The following FHIT variants were observed in gnomAD, a reference collection of about 807,000 sequenced individuals.
FHIT encodes bis(5'-adenosyl)-triphosphatase.
Under a neutral mutation model 17.9 loss-of-function variants are expected in FHIT, and 19 were observed. That is an observed-to-expected ratio of 1.06 (90% confidence interval 0.74 to 1.56). The LOEUF (loss-of-function observed/expected upper bound fraction) is 1.56. Among genes scored for constraint, FHIT ranks in the 40% most tolerant of loss-of-function variants. The probability of loss-of-function intolerance (pLI) is 0.00; values close to 1 mark genes in which losing one functional copy is unlikely to be tolerated. For missense variants in FHIT, 248 were observed against 189.2 expected, an observed-to-expected ratio of 1.31 and a Z score of -1.82; for synonymous variants, 81 against 69.7, an observed-to-expected ratio of 1.16 and a Z score of -0.81.
chr3:59,866,621 G>T (rs563799891), intron 8 of FHIT, among the ~76,000 whole-genome samples: 38 of 152,328 alleles, frequency 2.5e-4, no homozygotes, highest in African/African-American at 9.1e-4. Context: ...AAATTATCTG[G>T]ATCTGGGATA....
intron 3 of FHIT, among the ~76,000 whole-genome samples, chr3:60,998,395 GC>G (rs1335080672): frequency 6.6e-6 from 1 of 152,176 alleles, no homozygotes; most frequent in Non-Finnish European, 1.5e-5. Context: ...TAGGGTTAAA[GC>G]TTTTGAGGAC....
At chr3:60,317,606 T>C (rs528556178) in intron 5 of FHIT, among the ~76,000 whole-genome samples, 24 of 144,644 alleles carry the variant, frequency 1.7e-4, no homozygotes, top group African/African-American at 6.1e-4. Flanking sequence ...TCATATAATA[T>C]GTAATTATAT....
intron 5 of FHIT, among the ~76,000 whole-genome samples, chr3:60,287,892 C>G (rs773982586): frequency 6.0e-5 from 9 of 150,684 alleles, no homozygotes; most frequent in Non-Finnish European, 1.0e-4. Flanking sequence ...CCCTCTGTAT[C>G]AGTTATCTAT....
intron 5 of FHIT, among the ~76,000 whole-genome samples, chr3:60,226,609 A>C (rs1349166561): frequency 6.6e-6 from 1 of 152,108 alleles, no homozygotes; most frequent in Non-Finnish European, 1.5e-5. Flanking sequence ...AAAATGAAAA[A>C]CTGGGAACGT....
intron 5 of FHIT, among the ~76,000 whole-genome samples, chr3:60,176,728 T>C (rs213420): frequency 0.78 from 117,987 of 152,060 alleles, 46,213 homozygotes; most frequent in Non-Finnish European, 0.84. Context: ...AAGCTGAGTA[T>C]TGGCAAATGT....
At chr3:61,153,938 G>A (rs1404801021) in intron 2 of FHIT, among the ~76,000 whole-genome samples, 1 of 152,002 alleles carries the variant, frequency 6.6e-6, no homozygotes, top group African/African-American at 2.4e-5. Context: ...ATTTCTTAGG[G>A]GACAAGGGAA....
intron 3 of FHIT, among the ~76,000 whole-genome samples, chr3:60,944,150 T>C (rs1248542191): frequency 1.3e-5 from 2 of 152,194 alleles, no homozygotes; most frequent in Non-Finnish European, 2.9e-5. Context: ...GTTAAGAAAT[T>C]TGAACTTTAC....
chr3:60,023,390 G>A (rs1169506653), intron 5 of FHIT, among the ~76,000 whole-genome samples: 1 of 152,192 alleles, frequency 6.6e-6, no homozygotes, highest in Non-Finnish European at 1.5e-5. Flanking sequence ...AGTGCCCTGA[G>A]CACATACCTC....
At chr3:60,084,503 T>C (rs1157315396) in intron 5 of FHIT, among the ~76,000 whole-genome samples, 3 of 152,120 alleles carry the variant, frequency 2.0e-5, no homozygotes, top group Non-Finnish European at 4.4e-5. Context: ...AACATAATTA[T>C]ATAAGCTAAA....
At chr3:61,152,731 G>C (rs759056751) in intron 2 of FHIT, among the ~76,000 whole-genome samples, 5 of 152,092 alleles carry the variant, frequency 3.3e-5, no homozygotes, top group Non-Finnish European at 5.9e-5. Flanking sequence ...ACAGAGGAAT[G>C]AGAAGATCAT....
intron 4 of FHIT, among the ~76,000 whole-genome samples, chr3:60,551,531 C>T (rs113647143): frequency 0.25 from 2 of 8 alleles, 1 homozygote; most frequent in Non-Finnish European, 1. Flanking sequence ...AGAGGTGAGA[C>T]GGGAGGGGGG....
chr3:61,195,763 G>A (rs150511827), intron 2 of FHIT, among the ~76,000 whole-genome samples: 2 of 152,264 alleles, frequency 1.3e-5, no homozygotes, highest in African/African-American at 4.8e-5. Flanking sequence ...TACTAGCTAT[G>A]TGACCTTGGA....
intron 5 of FHIT, among the ~76,000 whole-genome samples, chr3:60,280,230 A>G (rs1225128692): frequency 6.6e-6 from 1 of 152,126 alleles, no homozygotes; most frequent in East Asian, 1.9e-4. Flanking sequence ...TCAACTCGAT[A>G]CCAAAAAATC....
At chr3:60,530,522 G>T (rs952356966) in intron 5 of FHIT, among the ~76,000 whole-genome samples, 3 of 152,100 alleles carry the variant, frequency 2.0e-5, no homozygotes, top group Non-Finnish European at 4.4e-5. Context: ...CTCGGCTCCA[G>T]AAACAAAAAA....
At chr3:60,649,975 A>G (rs2039953585) in intron 4 of FHIT, among the ~76,000 whole-genome samples, 1 of 152,182 alleles carries the variant, frequency 6.6e-6, no homozygotes, top group South Asian at 2.1e-4. Flanking sequence ...AATTCCGCCA[A>G]CTGGGTACAT....
At chr3:60,471,969 T>C (rs1364144059) in intron 5 of FHIT, among the ~76,000 whole-genome samples, 1 of 152,176 alleles carries the variant, frequency 6.6e-6, no homozygotes, top group Non-Finnish European at 1.5e-5. Flanking sequence ...ATTAACCTAA[T>C]TGCATGCCAC....
At chr3:59,988,016 G>C (rs762128107) in intron 7 of FHIT, among the ~76,000 whole-genome samples, 4 of 120,066 alleles carry the variant, frequency 3.3e-5, no homozygotes, top group Non-Finnish European at 7.8e-5. Context: ...GACTGTAAAA[G>C]TCCCTCTCTT....
At chr3:59,806,578 C>T (rs568332509) in intron 8 of FHIT, among the ~76,000 whole-genome samples, 4 of 151,932 alleles carry the variant, frequency 2.6e-5, no homozygotes, top group Middle Eastern at 3.4e-3. Context: ...GTCATTGTTA[C>T]TGCAAGTGAG....
intron 8 of FHIT, among the ~76,000 whole-genome samples, chr3:59,844,175 C>A (rs952912851): frequency 6.6e-6 from 1 of 152,122 alleles, no homozygotes; most frequent in Non-Finnish European, 1.5e-5. Flanking sequence ...AACCTCATTT[C>A]TTTATAAATT....
Sources: allele counts gnomAD v4.1 joint callset (sites outside exome capture counted in the v4.1 genomes callset), GRCh38; gene constraint gnomAD v4.1.1; transcripts MANE v1.5; gene names NCBI Gene and HGNC (gene_info 2026-07-23, HGNC 2026-07-21).